Variants in IFT80 observed in about 807,000 individuals in gnomAD.
The protein encoded by IFT80 is intraflagellar transport 80, also known as intraflagellar transport protein 80 homolog.
Under a neutral mutation model 107.9 loss-of-function variants are expected in IFT80, and 79 were observed. The observed-to-expected ratio is 0.73, with a 90% confidence interval of 0.61 to 0.88. The LOEUF (loss-of-function observed/expected upper bound fraction) is 0.88, where lower values mean the gene tolerates loss of function less well. Among genes scored for constraint, IFT80 ranks in the 40% least tolerant of loss-of-function variants. IFT80 has a pLI of 0.00. For synonymous variants in IFT80, 299 were observed against 300.9 expected (o/e 0.99, Z 0.07); for missense variants, 797 against 914.2 (o/e 0.87, Z 1.65).
chr3:160,375,440 G>GA (rs1195554011), intron 5 of IFT80, among the ~76,000 whole-genome samples: 1 of 152,038 alleles, frequency 6.6e-6, no homozygotes, highest in Non-Finnish European at 1.5e-5. Flanking sequence ...TTTAAGTAAG[G>GA]AGATACTCAA....
Position 160,384,859 on chromosome 3 carries a change from A to T in IFT80, c.-46-213T>A, listed in dbSNP as rs60668380. On this transcript the variant is annotated intron_variant, in intron 1 of 19. Transcript: ENST00000326448. ...TTGGGCTGAACCCCAGGAGTCCTCT[A>T]AACCTGCCTGAGACAGATCTACGCA... 0.033 allele frequency among the ~76,000 whole-genome samples: 4,992 copies of T among 152,324 alleles called. 273 individuals are homozygous for T. Among genetic ancestry groups the T allele is most frequent in the African/African-American group, 0.11 (4,724 of 41,558 alleles).
intron 12 of IFT80, among the ~76,000 whole-genome samples, chr3:160,290,661 A>C (rs1235897943): frequency 6.6e-6 from 1 of 151,966 alleles, no homozygotes; most frequent in East Asian, 1.9e-4. Context: ...GCTCACTGCG[A>C]ACTCTGCCTC....
chr3:160,377,514 C>T lies in IFT80; in HGVS notation c.286G>A (p.Gly96Arg), dbSNP rs760332663. The change falls in exon 4 of 20, where the codon GGA becomes AGA. Residue 96 changes from glycine (G) to arginine (R), a missense_variant. Gly to Arg is a moderately radical substitution (Grantham distance 125, BLOSUM62 -2). Transcript: ENST00000326448. Reference sequence around the variant, plus strand: ...GCTTCTACACTTTTTTCCACTCTTCCTAACTTGGAAATCAGATGAAATTTA... The same window carrying T: ...GCTTCTACACTTTTTTCCACTCTTCTTAACTTGGAAATCAGATGAAATTTA... ...DGKFHLISKL[G>R]RVEKSVEAHC... 8 of 1,605,098 alleles carry T rather than the reference C, an allele frequency of 5.0e-6. No individual in the cohort carries two copies. In the East Asian group the frequency reaches 1.3e-4, roughly 27 times the overall value.
Position 160,300,937 on chromosome 3 carries a change from T to A in IFT80, c.1261A>T (p.Thr421Ser). The A allele has an allele frequency of 6.2e-7, 1 of 1,611,232 alleles. No individual in the cohort carries two copies. Among genetic ancestry groups the A allele is most frequent in the Non-Finnish European group, 8.5e-7 (1 of 1,178,568 alleles). ...ATGGTATCATTACTCAAAGACACAG[T>A]CTGTGCATTCAGAATATCTGTTCTC... The part of the protein sequence containing the change: ...GMRTDILNAQ[T>S]VSLSNDTIAI... The change falls in exon 12 of 20, where the codon ACT becomes TCT. Residue 421 changes from threonine to serine, a missense_variant. Coordinates refer to ENST00000326448, the MANE Select transcript of IFT80 (RefSeq NM_020800.3).
intron 2 of IFT80, 101 bp from the exon 3 acceptor site, chr3:160,381,825 TG>T: frequency 1.1e-6 from 1 of 918,048 alleles, no homozygotes; most frequent in South Asian, 1.3e-5. Context: ...TAGGGTCAAA[TG>T]GTTTCAAGAT....
intron 15 of IFT80, 48 bp from the exon 16 acceptor site, chr3:160,279,412 A>G: frequency 6.6e-7 from 1 of 1,507,082 alleles, no homozygotes; most frequent in Non-Finnish European, 9.2e-7. Flanking sequence ...ATTCTGAGCA[A>G]AATTTTTCAT....
chr3:160,271,084 A>G (rs1486777272), intron 18 of IFT80, among the ~76,000 whole-genome samples: 1 of 152,204 alleles, frequency 6.6e-6, no homozygotes, highest in East Asian at 1.9e-4. Flanking sequence ...TATTATTATT[A>G]TAATAAAATA....
chr3:160,277,015 A>G (rs566444411), intron 18 of IFT80, among the ~76,000 whole-genome samples: 78 of 152,316 alleles, frequency 5.1e-4, no homozygotes, highest in Non-Finnish European at 8.7e-4. Flanking sequence ...ATGAAACTCA[A>G]TATCTTCCCT....
chr3:160,278,477 A>G (rs917709035), intron 16 of IFT80, among the ~76,000 whole-genome samples: 9 of 152,156 alleles, frequency 5.9e-5, no homozygotes, highest in African/African-American at 2.2e-4. Context: ...TGCCTATGAA[A>G]TCTGCTGCAG....
At chr3:160,364,994 A>C (rs565871682) in intron 6 of IFT80, among the ~76,000 whole-genome samples, 1 of 143,240 alleles carries the variant, frequency 7.0e-6, no homozygotes, top group East Asian at 2.0e-4. Flanking sequence ...TAGAACTTAA[A>C]GTATAATTAA....
chr3:160,299,759 C>T (rs963602866), intron 12 of IFT80, among the ~76,000 whole-genome samples: 1 of 152,166 alleles, frequency 6.6e-6, no homozygotes, highest in African/African-American at 2.4e-5. Flanking sequence ...CTATTGTTCA[C>T]TCTCATCCCT....
At chr3:160,276,700 A>G (rs563850376) in intron 18 of IFT80, among the ~76,000 whole-genome samples, 1 of 152,252 alleles carries the variant, frequency 6.6e-6, no homozygotes, top group African/African-American at 2.4e-5. Context: ...CTGTTGACCA[A>G]TCCTTTCCTC....
At chr3:160,367,586 A>C (rs1284697335) in intron 5 of IFT80, among the ~76,000 whole-genome samples, 1 of 152,110 alleles carries the variant, frequency 6.6e-6, no homozygotes, top group Non-Finnish European at 1.5e-5. Flanking sequence ...GCTTTAGCCC[A>C]AAAGCTTGGC....
chr3:160,300,199 T>C (rs907352023), intron 12 of IFT80, among the ~76,000 whole-genome samples: 1 of 152,116 alleles, frequency 6.6e-6, no homozygotes, highest in Non-Finnish European at 1.5e-5. Context: ...TATATATTTA[T>C]TAAATTTTAA....
Position 160,277,597 on chromosome 3 carries a change from T to G in IFT80, c.1910A>C (p.Tyr637Ser). Reference sequence around the variant, plus strand: ...ATTACTTACTTCACCAATTGCTGCATAGGCTATTTCTGCAGTAGTCATATC... The same window carrying G: ...ATTACTTACTTCACCAATTGCTGCAGAGGCTATTTCTGCAGTAGTCATATC... ...NRDMTTAEIA[Y>S]AAIGEIDKVQ... The change falls in exon 17 of 20, where the codon TAT becomes TCT. Residue 637 changes from tyrosine (Y) to serine (S), a missense_variant. Physicochemically the swap from Tyr to Ser is moderately radical, Grantham distance 144 (BLOSUM62 -2). Coordinates refer to ENST00000326448, the MANE Select transcript of IFT80 (RefSeq NM_020800.3). 6 of 1,612,038 alleles carry G rather than the reference T, an allele frequency of 3.7e-6. No individual in the cohort carries two copies. Among genetic ancestry groups the G allele is most frequent in the Non-Finnish European group, 4.2e-6 (5 of 1,178,202 alleles).
chr3:160,331,319 A>C (rs775432700), intron 8 of IFT80, among the ~76,000 whole-genome samples: 9 of 152,176 alleles, frequency 5.9e-5, no homozygotes, highest in Non-Finnish European at 1.2e-4. Context: ...CTGGGAAAAC[A>C]AAGTAGGATG....
At chr3:160,319,974 C>A in intron 8 of IFT80, 35 bp from the exon 9 acceptor site, 2 of 1,578,452 alleles carry the variant, frequency 1.3e-6, no homozygotes, top group Admixed American at 1.7e-5. Flanking sequence ...GATGGACTTA[C>A]TGAAAAAAAA....
intron 12 of IFT80, among the ~76,000 whole-genome samples, chr3:160,288,908 A>G (rs1715317805): frequency 6.6e-6 from 1 of 152,198 alleles, no homozygotes; most frequent in Non-Finnish European, 1.5e-5. Context: ...GCAATTCCTG[A>G]AAGAGCTAAA....
chr3:160,369,489 C>G (rs1722087767), intron 5 of IFT80, among the ~76,000 whole-genome samples: 1 of 151,822 alleles, frequency 6.6e-6, no homozygotes, highest in Admixed American at 6.6e-5. Flanking sequence ...AGGAAATAAA[C>G]TACATAGCTA....
Sources: gnomAD v4.1 joint callset for allele counts (sites outside exome capture counted in the v4.1 genomes callset) on GRCh38, gnomAD v4.1.1 for gene constraint, MANE v1.5 for transcripts, NCBI Gene and HGNC (gene_info 2026-07-23, HGNC 2026-07-21) for gene names.